CADM2: variants seen among roughly 807,000 people sequenced by gnomAD.
CADM2 encodes the protein cell adhesion molecule 2, also known as immunoglobulin superfamily member 4D.
CADM2 carries 12 observed loss-of-function variants against 49.8 expected under a neutral mutation model. The observed-to-expected ratio is 0.24, with a 90% CI of 0.15 to 0.39. The LOEUF (loss-of-function observed/expected upper bound fraction) is 0.39, where lower values mean the gene tolerates loss of function less well. Among genes scored for constraint, CADM2 ranks in the 10% least tolerant of loss-of-function variants. The probability of loss-of-function intolerance (pLI) is 1.00; values close to 1 mark genes in which losing one functional copy is unlikely to be tolerated. For synonymous variants in CADM2, 214 were observed against 175.4 expected (o/e 1.22, Z -1.74); for missense variants, 378 against 492.3 (o/e 0.77, Z 2.20).
chr3:86,013,706 A>G, intron 8 of CADM2: 2 of 1,599,466 alleles, frequency 1.3e-6, no homozygotes, highest in Non-Finnish European at 1.7e-6. Context: ...CTCATAGCCT[A>G]AGAGAGGAAT....
intron 8 of CADM2, among the ~76,000 whole-genome samples, chr3:86,059,206 C>T (rs900661435): frequency 1.3e-5 from 2 of 151,660 alleles, no homozygotes. Context: ...GAGTTTGTAC[C>T]TTGTATTTTA....
intron 9 of CADM2, 130 bp from the exon 10 acceptor site, chr3:86,066,535 G>C: frequency 1.5e-6 from 1 of 684,080 alleles, no homozygotes. Context: ...TGCAACTTTA[G>C]AAGAGTCAAT....
intron 1 of CADM2, among the ~76,000 whole-genome samples, chr3:85,064,580 T>C (rs942637598): frequency 6.6e-6 from 1 of 152,094 alleles, no homozygotes; most frequent in Non-Finnish European, 1.5e-5. Flanking sequence ...CACTATTTTT[T>C]TGAAATCTTG....
At chr3:85,913,015 TTCA>T (rs555023129) in intron 6 of CADM2, among the ~76,000 whole-genome samples, 166 of 152,304 alleles carry the variant, frequency 1.1e-3, no homozygotes, top group African/African-American at 3.7e-3. Flanking sequence ...TTATTATGTT[TTCA>T]TCATCATCAT....
intron 1 of CADM2, among the ~76,000 whole-genome samples, chr3:85,087,629 A>G (rs765941775): frequency 6.6e-6 from 1 of 152,216 alleles, no homozygotes; most frequent in East Asian, 1.9e-4. Context: ...ACTCTTAGCC[A>G]TAGCTAATTA....
At chr3:86,041,253 G>A (rs1447154263) in intron 8 of CADM2, among the ~76,000 whole-genome samples, 2 of 152,108 alleles carry the variant, frequency 1.3e-5, no homozygotes, top group Non-Finnish European at 2.9e-5. Context: ...CATGTAAATG[G>A]ACTAAATGCT....
rs183495188 is a variant in CADM2, at chr3:85,485,821, G to A, written c.62-240701G>A. 2.0e-5 allele frequency among the ~76,000 whole-genome samples: 3 copies of A among 152,156 alleles called. No individual in the cohort carries two copies. In the East Asian group the frequency reaches 5.8e-4, roughly 29 times the overall value. ...GGCACATCTAATTCTGTGCCCATGAGTAATTCATTAGAAATTTTGTGATGT... is the reference window on the plus strand; with the variant it reads ...GGCACATCTAATTCTGTGCCCATGAATAATTCATTAGAAATTTTGTGATGT... On this transcript the variant is annotated intron_variant, in intron 1 of 9. Transcript: ENST00000383699.
At chr3:86,031,239 T>C (rs2107150692) in intron 8 of CADM2, among the ~76,000 whole-genome samples, 1 of 151,878 alleles carries the variant, frequency 6.6e-6, no homozygotes, top group East Asian at 1.9e-4. Context: ...AGATAACAAA[T>C]GACCAAGATG....
At chr3:85,579,086 G>T (rs1245158536) in intron 1 of CADM2, among the ~76,000 whole-genome samples, 8 of 152,102 alleles carry the variant, frequency 5.3e-5, no homozygotes, top group Non-Finnish European at 1.0e-4. Context: ...ATAAATAAAA[G>T]ATTTTCTAGG....
chr3:85,372,223 C>T (rs1228515517), intron 1 of CADM2, among the ~76,000 whole-genome samples: 2 of 151,688 alleles, frequency 1.3e-5, no homozygotes, highest in African/African-American at 4.8e-5. Context: ...TGACAATATA[C>T]ACCTCATGAA....
intron 8 of CADM2, among the ~76,000 whole-genome samples, chr3:86,046,322 G>A (rs943642724): frequency 6.6e-6 from 1 of 152,030 alleles, no homozygotes; most frequent in Non-Finnish European, 1.5e-5. Context: ...AAAACACGTA[G>A]TATCTATATA....
At chr3:85,494,292 A>T (rs949402192) in intron 1 of CADM2, among the ~76,000 whole-genome samples, 2 of 152,218 alleles carry the variant, frequency 1.3e-5, no homozygotes, top group Non-Finnish European at 2.9e-5. Flanking sequence ...TTTAAAAAAC[A>T]TCACAGTCAA....
intron 5 of CADM2, among the ~76,000 whole-genome samples, chr3:85,909,743 A>G (rs1664516739): frequency 6.6e-6 from 1 of 152,248 alleles, no homozygotes; most frequent in Non-Finnish European, 1.5e-5. Context: ...AGAACATGAA[A>G]GAAGGATACA....
At chr3:85,235,088 C>T (rs1275379332) in intron 1 of CADM2, among the ~76,000 whole-genome samples, 1 of 152,026 alleles carries the variant, frequency 6.6e-6, no homozygotes, top group African/African-American at 2.4e-5. Flanking sequence ...CTTCCTCTGT[C>T]ATCCTCCTTA....
At position 85,209,902 on chromosome 3, in the gene CADM2, C is replaced by T. The variant is rs549150588; in HGVS notation, c.61+250234C>T. Among the ~76,000 whole-genome samples, 274 of 152,164 alleles carry T rather than the reference C, an allele frequency of 1.8e-3. 1 individual carries two copies. Among genetic ancestry groups the T allele is most frequent in the African/African-American group, 6.3e-3 (263 of 41,534 alleles). ...TCGTAGAACATAAAACTCAAAATAG[C>T]AGAGAGAAGACAAATGAACATGAAA... On this transcript the variant is annotated intron_variant, in intron 1 of 9. Transcript: ENST00000383699.
intron 8 of CADM2, among the ~76,000 whole-genome samples, chr3:86,000,462 G>T (rs1438013659): frequency 6.6e-6 from 1 of 152,100 alleles, no homozygotes; most frequent in Admixed American, 6.6e-5. Flanking sequence ...TATAGTCAAT[G>T]TTTTTATAGG....
rs2043720369 is a variant in CADM2 at position 85,289,451 on chromosome 3, G to A, written c.61+329783G>A. Among the ~76,000 whole-genome samples the A allele has an allele frequency of 2.0e-5, 3 of 152,160 alleles. No individual in the cohort carries two copies. In the South Asian group the frequency reaches 6.2e-4, roughly 31 times the overall value. ...GAGTCTAGAACTTGACTCTATGCTT[G>A]CAATAGACTGTTAAGATAAGAAATG... On this transcript the variant is annotated intron_variant, in intron 1 of 9. Coordinates refer to ENST00000383699, the MANE Select transcript of CADM2 (RefSeq NM_001167675.2).
intron 1 of CADM2, among the ~76,000 whole-genome samples, chr3:85,474,008 T>C (rs985023504): frequency 1.3e-5 from 2 of 151,996 alleles, no homozygotes; most frequent in Non-Finnish European, 2.9e-5. Context: ...ATTGTTGCAA[T>C]GATTAAGTGA....
intron 1 of CADM2, among the ~76,000 whole-genome samples, chr3:85,493,901 A>G (rs2039779280): frequency 6.6e-6 from 1 of 152,208 alleles, no homozygotes; most frequent in Non-Finnish European, 1.5e-5. Context: ...TTTATTTTTT[A>G]TGGAAACTGC....
Sources: allele counts gnomAD v4.1 joint callset (sites outside exome capture counted in the v4.1 genomes callset), GRCh38; gene constraint gnomAD v4.1.1; transcripts MANE v1.5; gene names NCBI Gene and HGNC (gene_info 2026-07-23, HGNC 2026-07-21).